BCAS1: variants seen among roughly 807,000 people sequenced by gnomAD.
BCAS1 encodes breast carcinoma-amplified sequence 1.
A neutral mutation model predicts 65.4 loss-of-function variants in BCAS1; 46 were observed. The ratio of observed to expected loss-of-function variants is 0.70; its 90% CI spans 0.55 to 0.90. BCAS1 has a LOEUF of 0.90. Ranked by LOEUF, BCAS1 falls within the 40% of genes least tolerant of loss-of-function variation. BCAS1 has a pLI of 0.00. For synonymous variants in BCAS1, 298 were observed against 293.5 expected (o/e 1.02, Z -0.16); for missense variants, 793 against 771.2 (o/e 1.03, Z -0.33).
intron 11 of BCAS1, among the ~76,000 whole-genome samples, chr20:53,954,140 C>G (rs2089620625): frequency 6.6e-6 from 1 of 152,174 alleles, no homozygotes. Context: ...GAGCTAATCT[C>G]AGAGCTTTGC....
At chr20:54,044,368 A>G (rs978782138) in intron 3 of BCAS1, among the ~76,000 whole-genome samples, 2 of 152,094 alleles carry the variant, frequency 1.3e-5, no homozygotes, top group Admixed American at 6.5e-5. Flanking sequence ...TCTCCATCCA[A>G]AGAGGCAAAG....
intron 3 of BCAS1, among the ~76,000 whole-genome samples, 181 bp downstream of exon 3, chr20:54,057,903 GA>G (rs1359309100): frequency 9.2e-5 from 14 of 152,202 alleles, no homozygotes; most frequent in Non-Finnish European, 1.8e-4. Context: ...AGCACTGTGA[GA>G]CAATACATTT....
At chr20:54,018,545 C>G (rs967664119) in intron 4 of BCAS1, among the ~76,000 whole-genome samples, 1 of 151,994 alleles carries the variant, frequency 6.6e-6, no homozygotes, top group Non-Finnish European at 1.5e-5. Context: ...ATTGTGTTAG[C>G]CAGGATGGTC....
chr20:53,993,322 G>A (rs2090813133), intron 6 of BCAS1, among the ~76,000 whole-genome samples: 1 of 151,306 alleles, frequency 6.6e-6, no homozygotes, highest in African/African-American at 2.4e-5. Flanking sequence ...AGGGAAGGTA[G>A]TGGGCTGAAA....
chr20:53,981,888 A>G (rs141712767), intron 8 of BCAS1, among the ~76,000 whole-genome samples: 2 of 152,156 alleles, frequency 1.3e-5, no homozygotes, highest in African/African-American at 4.8e-5. Flanking sequence ...ATGCTAGCAA[A>G]TGAATTTTAT....
chr20:54,028,246 G>A, intron 4 of BCAS1, 146 bp downstream of exon 4: 1 of 750,156 alleles, frequency 1.3e-6, no homozygotes, highest in Non-Finnish European at 2.3e-6. Flanking sequence ...ATGACACTCT[G>A]CTGCAATGTG....
intron 12 of BCAS1, among the ~76,000 whole-genome samples, chr20:53,946,323 C>A (rs552209957): frequency 6.6e-6 from 1 of 151,850 alleles, no homozygotes; most frequent in Non-Finnish European, 1.5e-5. Context: ...TAGAGTTCTG[C>A]CTTTGCCAGG....
At chr20:54,026,322 CT>C (rs3216355) in intron 4 of BCAS1, among the ~76,000 whole-genome samples, 28,089 of 152,204 alleles carry the variant, frequency 0.18, 2,659 homozygotes, top group East Asian at 0.3. Context: ...GGTTCTACCC[CT>C]AAGAGTTCTT....
chr20:54,002,988 G>A (rs1438471544), intron 4 of BCAS1, among the ~76,000 whole-genome samples: 1 of 152,100 alleles, frequency 6.6e-6, no homozygotes, highest in Non-Finnish European at 1.5e-5. Context: ...TCAAGTGGTT[G>A]ATAAAAGTTC....
At chr20:53,962,968 A>G (rs376760005) in intron 10 of BCAS1, among the ~76,000 whole-genome samples, 5 of 152,080 alleles carry the variant, frequency 3.3e-5, no homozygotes, top group African/African-American at 1.2e-4. Context: ...CTCCTGCCTC[A>G]GCCTCCTGAG....
intron 12 of BCAS1, among the ~76,000 whole-genome samples, chr20:53,949,590 T>C (rs115487060): frequency 4.6e-4 from 70 of 152,356 alleles, no homozygotes; most frequent in African/African-American, 1.3e-3. Context: ...TGTGTCCAGC[T>C]TGAAAGTCTT....
rs537912788 is a variant in BCAS1, at chr20:54,000,258, T to C, written c.724-4208A>G. ...TGATTTACCACTGGTATCTGGAGGA[T>C]AGATGCCAGGCATGCTGCTAAAATT... On this transcript the variant is annotated intron_variant, in intron 4 of 12. Coordinates refer to ENST00000688948, the MANE Select transcript of BCAS1 (RefSeq NM_001366298.2). Among the ~76,000 whole-genome samples, 4 of 152,272 alleles carry C rather than the reference T, an allele frequency of 2.6e-5. No individual in the cohort carries two copies. In the South Asian group the frequency reaches 6.2e-4, roughly 24 times the overall value.
intron 1 of BCAS1, among the ~76,000 whole-genome samples, chr20:54,059,020 T>C (rs1459775396): frequency 4.6e-5 from 7 of 152,124 alleles, no homozygotes; most frequent in African/African-American, 1.7e-4. Flanking sequence ...GAAGAATGAG[T>C]GCGAGCTGGG....
chr20:54,063,353 A>G (rs990683567), intron 1 of BCAS1, among the ~76,000 whole-genome samples: 1 of 152,218 alleles, frequency 6.6e-6, no homozygotes, highest in Admixed American at 6.5e-5. Context: ...AGTGCCCTGA[A>G]CAGGGCCTGG....
At chr20:54,052,195 A>G (rs192187067) in intron 3 of BCAS1, among the ~76,000 whole-genome samples, 2 of 152,200 alleles carry the variant, frequency 1.3e-5, no homozygotes, top group Non-Finnish European at 2.9e-5. Context: ...TGTAGCCTCC[A>G]CCATGATGAA....
chr20:53,954,544 G>T (rs1649720166), intron 11 of BCAS1, among the ~76,000 whole-genome samples: 1 of 152,236 alleles, frequency 6.6e-6, no homozygotes, highest in South Asian at 2.1e-4. Context: ...GGTGGTAAAA[G>T]AGATGATTGT....
At position 54,031,870 on chromosome 20, in the gene BCAS1, T is replaced by C. The variant is rs777013035; in HGVS notation, c.143-2898A>G. Among the ~76,000 whole-genome samples the C allele has an allele frequency of 6.0e-4, 91 of 151,146 alleles. 1 individual carries two copies. Among genetic ancestry groups the C allele is most frequent in the Non-Finnish European group, 2.8e-4 (19 of 67,550 alleles). On this transcript the variant is annotated intron_variant, in intron 3 of 12. Transcript: ENST00000688948. ...CAAATCTATGATTGATTGGGGTGTC[T>C]GAAAGAGATGGAGGGAATGGAATCA...
chr20:54,031,545 GTCCTGTAACTTTTGATAC>G (rs1369286753), intron 3 of BCAS1, among the ~76,000 whole-genome samples: 8 of 151,058 alleles, frequency 5.3e-5, no homozygotes, highest in African/African-American at 1.9e-4. Context: ...ATAAAAATAA[GTCCTGTAACTTTTGATAC>G]TCCTATTAAA....
At chr20:54,061,376 A>G (rs149765437) in intron 1 of BCAS1, among the ~76,000 whole-genome samples, 10 of 152,280 alleles carry the variant, frequency 6.6e-5, no homozygotes, top group African/African-American at 2.4e-4. Context: ...TCTTGCAGCC[A>G]CTCCAAAGGC....
Sources: gnomAD v4.1 joint callset for allele counts (sites outside exome capture counted in the v4.1 genomes callset) on GRCh38, gnomAD v4.1.1 for gene constraint, MANE v1.5 for transcripts, NCBI Gene and HGNC (gene_info 2026-07-23, HGNC 2026-07-21) for gene names.